The following INSC variants were observed in gnomAD, a reference collection of about 807,000 sequenced individuals.
INSC encodes protein inscuteable homolog.
Under a neutral mutation model 58.6 loss-of-function variants are expected in INSC, and 67 were observed. That is an observed-to-expected ratio of 1.14 (90% CI 0.94 to 1.40). The LOEUF (loss-of-function observed/expected upper bound fraction) is 1.40. Ranked by LOEUF, INSC falls within the 40% of genes most tolerant of loss-of-function variation. INSC has a pLI of 0.00. For missense variants in INSC, 714 were observed against 692.0 expected (o/e 1.03, Z -0.36); for synonymous variants, 262 against 276.1 (o/e 0.95, Z 0.51).
At chr11:15,185,698 G>A (rs1390094872) in intron 5 of INSC, among the ~76,000 whole-genome samples, 3 of 152,108 alleles carry the variant, frequency 2.0e-5, no homozygotes, top group Non-Finnish European at 4.4e-5. Flanking sequence ...TGTTAAAAAA[G>A]AGATTATTCA....
chr11:15,147,408 A>G (rs1848520900), intron 1 of INSC, among the ~76,000 whole-genome samples: 1 of 152,230 alleles, frequency 6.6e-6, no homozygotes, highest in African/African-American at 2.4e-5. Flanking sequence ...AGAGCTGAGC[A>G]CATAGCAGAC....
intron 7 of INSC, among the ~76,000 whole-genome samples, chr11:15,213,934 C>T (rs79575667): frequency 0.02 from 3,079 of 152,288 alleles, 118 homozygotes; most frequent in African/African-American, 0.072. Context: ...AGCTCTATCA[C>T]CACGCCATAA....
rs1030324298 is a variant in INSC at position 15,178,537 on chromosome 11, C to T, written c.579+90C>T. The T allele has an allele frequency of 6.2e-6, 9 of 1,457,368 alleles. No individual in the cohort carries two copies. In the African/African-American group the frequency reaches 1.1e-4, roughly 18 times the overall value. 90.3% of individuals were successfully genotyped at this position (1,457,368 alleles called of 1,614,324 possible). On this transcript the variant is annotated intron_variant, in intron 5 of 12. Coordinates refer to ENST00000379556, the MANE Select transcript of INSC (RefSeq NM_001042536.3). Reference sequence around the variant, plus strand: ...AGGGGCTGAGCCAGGCTTGGGGAAGCTACTGATGTGGACTTTATTGGGAAA... The same window carrying T: ...AGGGGCTGAGCCAGGCTTGGGGAAGTTACTGATGTGGACTTTATTGGGAAA...
At chr11:15,112,075 C>T (rs1304382098), upstream of INSC, among the ~76,000 whole-genome samples, 1 of 152,184 alleles carries the variant, frequency 6.6e-6, no homozygotes, top group Non-Finnish European at 1.5e-5. Context: ...GCATGTCTTG[C>T]TGCTGGTGTG....
intron 12 of INSC, among the ~76,000 whole-genome samples, chr11:15,240,761 C>T (rs1852318841): frequency 6.6e-6 from 1 of 152,172 alleles, no homozygotes; most frequent in African/African-American, 2.4e-5. Context: ...CTCCCTCTTC[C>T]CTCTGTTCTA....
chr11:15,154,910 G>A (rs1048997931), intron 2 of INSC, among the ~76,000 whole-genome samples: 6 of 152,146 alleles, frequency 3.9e-5, no homozygotes, highest in African/African-American at 9.7e-5. Flanking sequence ...TGTGCAAAGG[G>A]GTCTTGTGTT....
At chr11:15,174,966 A>G (rs1348603372) in intron 2 of INSC, among the ~76,000 whole-genome samples, 1 of 152,208 alleles carries the variant, frequency 6.6e-6, no homozygotes, top group Non-Finnish European at 1.5e-5. Flanking sequence ...AGTGAATTTT[A>G]GAGTGCATTT....
chr11:15,181,367 T>C (rs1222219254), intron 5 of INSC, among the ~76,000 whole-genome samples: 3 of 152,232 alleles, frequency 2.0e-5, no homozygotes, highest in African/African-American at 7.2e-5. Flanking sequence ...AACATTCTTT[T>C]AGCACTAAGA....
chr11:15,249,380 TA>T (rs1265430519), downstream of INSC, among the ~76,000 whole-genome samples: 9 of 151,990 alleles, frequency 5.9e-5, no homozygotes, highest in Non-Finnish European at 2.9e-5. Context: ...AAGGAGAAGA[TA>T]GGGGGGTTAT....
upstream of INSC, chr11:15,112,634 GTGT>G: frequency 2.9e-6 from 1 of 343,196 alleles, no homozygotes; most frequent in East Asian, 8.2e-5. Flanking sequence ...GTGTGTGTGT[GTGT>G]ATTGGGAAGT....
intron 6 of INSC, among the ~76,000 whole-genome samples, chr11:15,199,425 CCTAT>C (rs1850492852): frequency 6.6e-6 from 1 of 152,138 alleles, no homozygotes; most frequent in South Asian, 2.1e-4. Context: ...GGCGCATGAG[CCTAT>C]CATTTTGGGG....
chr11:15,137,613 CCT>C (rs1405090164), intron 1 of INSC, among the ~76,000 whole-genome samples: 3 of 152,326 alleles, frequency 2.0e-5, no homozygotes, highest in Non-Finnish European at 4.4e-5. Context: ...CATGAACCAA[CCT>C]CTGCTAGCTT....
intron 9 of INSC, among the ~76,000 whole-genome samples, chr11:15,226,344 T>C (rs1301647860): frequency 6.6e-6 from 1 of 152,198 alleles, no homozygotes; most frequent in Non-Finnish European, 1.5e-5. Context: ...GGGCCTCAGC[T>C]TCTACATCAG....
At chr11:15,180,691 G>T (rs1475952736) in intron 5 of INSC, among the ~76,000 whole-genome samples, 4 of 93,998 alleles carry the variant, frequency 4.3e-5, no homozygotes, top group Admixed American at 1.0e-4. Flanking sequence ...GTGAGGGGGG[G>T]GGCGGGGGGG....
At chr11:15,128,608 G>A (rs952443004) in intron 1 of INSC, among the ~76,000 whole-genome samples, 2 of 152,172 alleles carry the variant, frequency 1.3e-5, no homozygotes, top group African/African-American at 4.8e-5. Flanking sequence ...TTGGGAAGGG[G>A]CATCATAAGG....
chr11:15,180,388 G>A (rs183724801), intron 5 of INSC, among the ~76,000 whole-genome samples: 1 of 152,186 alleles, frequency 6.6e-6, no homozygotes, highest in Non-Finnish European at 1.5e-5. Flanking sequence ...CAGCAAAGAG[G>A]CAGGGTATCT....
At chr11:15,148,184 T>C (rs1488012024) in intron 1 of INSC, among the ~76,000 whole-genome samples, 1 of 152,230 alleles carries the variant, frequency 6.6e-6, no homozygotes, top group East Asian at 1.9e-4. Context: ...CCTGGGTTAC[T>C]CTTATTCATT....
rs754791900 is a variant in INSC, at chr11:15,225,622, AG to A, written c.992-27del. On this transcript the variant is annotated intron_variant, in intron 8 of 12. Transcript: ENST00000379556. ...GTGATATGAAAACACTTGGCACGGA[AG>A]TTATTTTCTTTCTCTTTGCCATCCA... 2.5e-6 allele frequency: 4 copies of A among 1,603,160 alleles called. No homozygotes were observed. The African/African-American group carries it at 5.4e-5, about 21-fold the overall frequency.
At chr11:15,151,919 A>G (rs75095968) in intron 2 of INSC, among the ~76,000 whole-genome samples, 1,773 of 152,210 alleles carry the variant, frequency 0.012, 35 homozygotes, top group African/African-American at 0.04. Flanking sequence ...TTCTCTCCGA[A>G]TCCCTGCCAG....
Sources: gnomAD v4.1 joint callset for allele counts (sites outside exome capture counted in the v4.1 genomes callset) on GRCh38, gnomAD v4.1.1 for gene constraint, MANE v1.5 for transcripts, NCBI Gene and HGNC (gene_info 2026-07-23, HGNC 2026-07-21) for gene names.